PTPRD: variants seen among roughly 807,000 people sequenced by gnomAD.
PTPRD encodes the protein receptor-type tyrosine-protein phosphatase delta.
PTPRD carries 34 observed loss-of-function variants against 214.5 expected under a neutral mutation model. That is an observed-to-expected ratio of 0.16 (90% confidence interval 0.12 to 0.21). The LOEUF is 0.21. PTPRD is among the 10% of genes least tolerant of loss of function. PTPRD has a pLI of 1.00. For missense variants in PTPRD, 2,545 were observed against 2,398.7 expected, an observed-to-expected ratio of 1.06 and a Z score of -1.27; for synonymous variants, 1,128 against 845.7, an observed-to-expected ratio of 1.33 and a Z score of -5.79.
chr9:9,611,378 T>C (rs190040969), intron 7 of PTPRD, among the ~76,000 whole-genome samples: 3 of 152,314 alleles, frequency 2.0e-5, no homozygotes, highest in African/African-American at 7.2e-5. Flanking sequence ...ATAAATTTTT[T>C]TTCAAATTTT....
intron 3 of PTPRD, among the ~76,000 whole-genome samples, chr9:10,059,517 A>G (rs935899855): frequency 6.6e-6 from 1 of 152,162 alleles, no homozygotes; most frequent in Non-Finnish European, 1.5e-5. Context: ...TTTGGTATAT[A>G]TTAAAGGCTC....
intron 4 of PTPRD, among the ~76,000 whole-genome samples, chr9:10,026,325 G>C (rs1408084282): frequency 1.3e-5 from 2 of 152,108 alleles, no homozygotes; most frequent in Non-Finnish European, 2.9e-5. Context: ...CCTACAAATG[G>C]CACAAACTTG....
At chr9:8,392,566 T>C (rs2089957904) in intron 36 of PTPRD, among the ~76,000 whole-genome samples, 2 of 152,088 alleles carry the variant, frequency 1.3e-5, no homozygotes, top group South Asian at 4.1e-4. Context: ...AAATACGTAA[T>C]TGAAAACAAA....
intron 2 of PTPRD, among the ~76,000 whole-genome samples, chr9:10,564,839 TTTTTCA>T (rs1191308884): frequency 1.3e-5 from 2 of 152,234 alleles, no homozygotes; most frequent in Admixed American, 6.5e-5. Flanking sequence ...CACAGCATTC[TTTTTCA>T]TTTTATTTTT....
intron 7 of PTPRD, among the ~76,000 whole-genome samples, chr9:9,635,776 T>C (rs967350898): frequency 1.1e-4 from 17 of 152,188 alleles, no homozygotes; most frequent in African/African-American, 3.6e-4. Flanking sequence ...AAAACACTCA[T>C]GCAAACCATC....
intron 9 of PTPRD, among the ~76,000 whole-genome samples, chr9:9,274,304 G>A (rs201452868): frequency 4.0e-5 from 6 of 151,076 alleles, no homozygotes; most frequent in Non-Finnish European, 5.9e-5. Context: ...TATGCTTTAC[G>A]CTTATGTTTT....
intron 44 of PTPRD, among the ~76,000 whole-genome samples, chr9:8,326,678 G>GGCTGTGAA (rs1834134073): frequency 6.7e-6 from 1 of 148,314 alleles, no homozygotes; most frequent in Admixed American, 6.7e-5. Context: ...GGTAGAATTC[G>GGCTGTGAA]TCTGGTCCTG....
chr9:10,442,789 G>C (rs74509636), intron 2 of PTPRD, among the ~76,000 whole-genome samples: 1 of 151,556 alleles, frequency 6.6e-6, no homozygotes, highest in Admixed American at 6.6e-5. Context: ...GTTAAAACTG[G>C]TAGTATTATG....
rs1191664969 is a variant in PTPRD, at chr9:9,564,884, G to GTTTTTTTTTTTTTTTTTTTT, written c.-237+9828_-237+9847dup. Among the ~76,000 whole-genome samples, 4 of 48,856 alleles carry GTTTTTTTTTTTTTTTTTTTT rather than the reference G, an allele frequency of 8.2e-5. 1 individual carries two copies. Among genetic ancestry groups the GTTTTTTTTTTTTTTTTTTTT allele is most frequent in the African/African-American group, 2.1e-4 (3 of 14,410 alleles). The allele number at this position is 48,856 out of a possible 152,430, so 32.1% of individuals were successfully genotyped here. A position where few individuals can be genotyped will look rare whatever the true frequency, so the allele number is the denominator to read the frequency against. ...AACAAAAGAGAGACTTGAATCTTCT[G>GTTTTTTTTTTTTTTTTTTTT]TTTTTTTTTTTTTTTTTTTTTTTTT... On this transcript the variant is annotated intron_variant, in intron 8 of 45. Transcript: ENST00000381196.
rs547438341 is a variant in PTPRD at position 10,356,392 on chromosome 9, C to A, written c.-599-15375G>T. 1.5e-4 allele frequency among the ~76,000 whole-genome samples: 23 copies of A among 152,252 alleles called. No individual in the cohort carries two copies. In the South Asian group the frequency reaches 4.4e-3, roughly 29 times the overall value. On this transcript the variant is annotated intron_variant, in intron 2 of 45. Coordinates refer to ENST00000381196, the MANE Select transcript of PTPRD (RefSeq NM_002839.4). ...CTCTCAAATTGGTTTGTTCTATATA[C>A]TCAAAATGATATTTGAAAATGCTGT...
At chr9:8,330,634 C>CTAGA (rs1839410235) in intron 44 of PTPRD, among the ~76,000 whole-genome samples, 1 of 152,182 alleles carries the variant, frequency 6.6e-6, no homozygotes, top group Admixed American at 6.5e-5. Context: ...ACAAAGGATG[C>CTAGA]TAGAAGGGAC....
intron 39 of PTPRD, among the ~76,000 whole-genome samples, chr9:8,364,963 T>C (rs1256563395): frequency 6.6e-6 from 1 of 152,162 alleles, no homozygotes; most frequent in Non-Finnish European, 1.5e-5. Flanking sequence ...CTAATGCATC[T>C]AGAAAATGTT....
At chr9:10,521,023 T>A (rs2052066499) in intron 2 of PTPRD, among the ~76,000 whole-genome samples, 1 of 151,788 alleles carries the variant, frequency 6.6e-6, no homozygotes, top group Non-Finnish European at 1.5e-5. Context: ...TACTTTCAAG[T>A]CATTATTTTA....
chr9:9,659,930 A>G (rs1244242322), intron 7 of PTPRD, among the ~76,000 whole-genome samples: 2 of 152,074 alleles, frequency 1.3e-5, no homozygotes, highest in African/African-American at 4.8e-5. Flanking sequence ...TCCTTTTCAT[A>G]AATATACAGT....
chr9:10,198,671 A>T (rs1175592997), intron 3 of PTPRD, among the ~76,000 whole-genome samples: 1 of 152,158 alleles, frequency 6.6e-6, no homozygotes, highest in Non-Finnish European at 1.5e-5. Context: ...TTGGAAGCAG[A>T]TAAACAACTG....
intron 8 of PTPRD, among the ~76,000 whole-genome samples, chr9:9,541,758 C>T (rs117533944): frequency 4.6e-5 from 7 of 151,650 alleles, no homozygotes; most frequent in Admixed American, 1.3e-4. Flanking sequence ...CACTGAGGCA[C>T]GCAGAGAATA....
chr9:8,550,558 C>T (rs568082081), intron 14 of PTPRD, among the ~76,000 whole-genome samples: 61 of 152,266 alleles, frequency 4.0e-4, no homozygotes, highest in African/African-American at 1.3e-3. Context: ...CAAACAGATA[C>T]GTATGTGCTT....
intron 8 of PTPRD, among the ~76,000 whole-genome samples, chr9:9,530,993 A>G (rs929095954): frequency 6.6e-6 from 1 of 152,184 alleles, no homozygotes; most frequent in Non-Finnish European, 1.5e-5. Context: ...AGCTAACTAT[A>G]CTAAGCAATG....
chr9:9,678,394 A>G lies in PTPRD; in HGVS notation c.-287+56139T>C, dbSNP rs546769928. ...AGATATAGACCAATGGAACAGAACAAAGCCCTCAGAAATAATGCCGCATAT... is the reference window on the plus strand; with the variant it reads ...AGATATAGACCAATGGAACAGAACAGAGCCCTCAGAAATAATGCCGCATAT... On this transcript the variant is annotated intron_variant, in intron 7 of 45. Transcript: ENST00000381196. 2.7e-3 allele frequency among the ~76,000 whole-genome samples: 404 copies of G among 151,946 alleles called. 2 individuals are homozygous for G. Among genetic ancestry groups the G allele is most frequent in the African/African-American group, 9.1e-3 (378 of 41,506 alleles).
Sources: gnomAD v4.1 joint callset for allele counts (sites outside exome capture counted in the v4.1 genomes callset) on GRCh38, gnomAD v4.1.1 for gene constraint, MANE v1.5 for transcripts, NCBI Gene and HGNC (gene_info 2026-07-23, HGNC 2026-07-21) for gene names.